PHF21B: variants seen among roughly 807,000 people sequenced by gnomAD.
The protein encoded by PHF21B is PHD finger protein 4.
In PHF21B, 22 loss-of-function variants were observed where a neutral mutation model predicts 62.2. The ratio of observed to expected loss-of-function variants is 0.35; its 90% confidence interval spans 0.25 to 0.51. PHF21B has a LOEUF of 0.51. PHF21B is among the 20% of genes least tolerant of loss of function. The probability of loss-of-function intolerance (pLI) is 0.97; values close to 1 mark genes in which losing one functional copy is unlikely to be tolerated. For missense variants in PHF21B, 701 were observed against 707.9 expected, an observed-to-expected ratio of 0.99 and a Z score of 0.11; for synonymous variants, 341 against 314.7, an observed-to-expected ratio of 1.08 and a Z score of -0.88.
At chr22:44,960,014 A>T (rs1045859863) in intron 2 of PHF21B, among the ~76,000 whole-genome samples, 3 of 152,166 alleles carry the variant, frequency 2.0e-5, no homozygotes, top group Non-Finnish European at 4.4e-5. Context: ...CCGCTGTGTG[A>T]CCTCAGCACC....
At chr22:44,952,238 G>C in intron 2 of PHF21B, among the ~76,000 whole-genome samples, 1 of 152,216 alleles carries the variant, frequency 6.6e-6, no homozygotes, top group East Asian at 1.9e-4. Context: ...AGCTACTTTG[G>C]AGGCTGAGGC....
intron 5 of PHF21B, among the ~76,000 whole-genome samples, chr22:44,905,601 T>C (rs2071234718): frequency 6.6e-6 from 1 of 152,208 alleles, no homozygotes; most frequent in South Asian, 2.1e-4. Flanking sequence ...CTGTCGAGAC[T>C]TACCTGGGCA....
intron 2 of PHF21B, among the ~76,000 whole-genome samples, chr22:44,965,049 G>C (rs1378506130): frequency 1.3e-5 from 2 of 152,164 alleles, no homozygotes; most frequent in African/African-American, 4.8e-5. Flanking sequence ...CTGTGATATG[G>C]GGGGGCTCCC....
intron 2 of PHF21B, among the ~76,000 whole-genome samples, chr22:44,945,125 T>TCAGGAA (rs1173036031): frequency 2.0e-5 from 3 of 152,228 alleles, no homozygotes; most frequent in Admixed American, 2.0e-4. Flanking sequence ...CTTCTCAGGT[T>TCAGGAA]ACCATGGCAG....
chr22:44,893,178 G>A (rs2070996138), intron 7 of PHF21B, among the ~76,000 whole-genome samples: 1 of 151,994 alleles, frequency 6.6e-6, no homozygotes, highest in South Asian at 2.1e-4. Flanking sequence ...AGGGTGAAGA[G>A]GCAAGAAGCC....
At position 44,889,621 on chromosome 22, in the gene PHF21B, T is replaced by G. The variant is rs73422470; in HGVS notation, c.1038+139A>C. 0.014 allele frequency: 14,460 copies of G among 1,067,228 alleles called. 765 individuals carry two copies. In the African/African-American group the frequency reaches 0.16, roughly 12 times the overall value. 66.1% of individuals were successfully genotyped at this position (1,067,228 alleles called of 1,614,324 possible). ...GCTGGCTGAGTGTTGCACAAAGCTC[T>G]TAGCACCTAAAGGCAGAACCGAAAG... On this transcript the variant is annotated intron_variant, in intron 9 of 12. Coordinates refer to ENST00000313237, the MANE Select transcript of PHF21B (RefSeq NM_138415.5).
intron 5 of PHF21B, 69 bp from the exon 6 acceptor site, chr22:44,896,152 T>A (rs922960819): frequency 2.6e-6 from 4 of 1,568,622 alleles, no homozygotes; most frequent in Admixed American, 3.3e-5. Flanking sequence ...TCAACAAACA[T>A]CTGCTGTGGC....
At chr22:44,973,038 T>C (rs561844809) in intron 2 of PHF21B, among the ~76,000 whole-genome samples, 3 of 152,350 alleles carry the variant, frequency 2.0e-5, no homozygotes, top group South Asian at 4.1e-4. Context: ...CTCCGGGCTC[T>C]GATGACCCTC....
At chr22:44,933,951 G>T (rs1212707302) in intron 2 of PHF21B, among the ~76,000 whole-genome samples, 1 of 152,236 alleles carries the variant, frequency 6.6e-6, no homozygotes, top group Non-Finnish European at 1.5e-5. Flanking sequence ...TATTTACTGA[G>T]ATCCTGCCAT....
At chr22:44,912,800 G>A (rs570136780) in intron 5 of PHF21B, among the ~76,000 whole-genome samples, 1 of 144,330 alleles carries the variant, frequency 6.9e-6, no homozygotes, top group East Asian at 2.3e-4. Context: ...GATCACTTGA[G>A]CCCAGGAGGT....
At chr22:44,995,048 T>C (rs2147513690) in intron 2 of PHF21B, among the ~76,000 whole-genome samples, 1 of 152,238 alleles carries the variant, frequency 6.6e-6, no homozygotes, top group South Asian at 2.1e-4. Context: ...GCCTTTTTCA[T>C]CAACTAAACA....
chr22:44,959,315 G>T (rs192301183), intron 2 of PHF21B, among the ~76,000 whole-genome samples: 1 of 152,318 alleles, frequency 6.6e-6, no homozygotes, highest in African/African-American at 2.4e-5. Context: ...TCTCCACTTT[G>T]TGATTCACGC....
At chr22:44,916,964 G>C (rs548593482) in intron 3 of PHF21B, among the ~76,000 whole-genome samples, 1 of 152,382 alleles carries the variant, frequency 6.6e-6, no homozygotes, top group South Asian at 2.1e-4. Flanking sequence ...ACGCCCTGCA[G>C]ATCAAGTCCC....
intron 2 of PHF21B, among the ~76,000 whole-genome samples, chr22:44,927,963 C>T (rs1205772273): frequency 6.6e-6 from 1 of 152,086 alleles, no homozygotes; most frequent in African/African-American, 2.4e-5. Context: ...TGGGGCGGGG[C>T]GGGGCACAGC....
intron 5 of PHF21B, among the ~76,000 whole-genome samples, chr22:44,901,221 G>A (rs1025504452): frequency 2.0e-5 from 3 of 152,194 alleles, no homozygotes; most frequent in Non-Finnish European, 4.4e-5. Flanking sequence ...TAACTGGACA[G>A]TGGCAGGGAC....
chr22:44,908,228 A>T (rs6006905), intron 5 of PHF21B, among the ~76,000 whole-genome samples: 235 of 152,234 alleles, frequency 1.5e-3, no homozygotes, highest in African/African-American at 5.5e-3. Context: ...TGAGGCCAGA[A>T]GCTAGAGTGT....
At position 44,999,965 on chromosome 22, in the gene PHF21B, C is replaced by A. The variant is rs552004120; in HGVS notation, c.120+8580G>T. Among the ~76,000 whole-genome samples, 8 of 152,242 alleles carry A rather than the reference C, an allele frequency of 5.3e-5. No individual in the cohort carries two copies. The East Asian group carries it at 1.5e-3, about 29-fold the overall frequency. On this transcript the variant is annotated intron_variant, in intron 2 of 12. Transcript: ENST00000313237. ...ACCACTCACTAATCCTGCGGCCTCT[C>A]GAAGATTGTTTCTTGAGTGCTCACC...
chr22:44,972,245 C>T (rs1370545900), intron 2 of PHF21B, among the ~76,000 whole-genome samples: 1 of 152,224 alleles, frequency 6.6e-6, no homozygotes, highest in Admixed American at 6.5e-5. Context: ...CAGACCTGAT[C>T]GCTTTGATGT....
intron 2 of PHF21B, among the ~76,000 whole-genome samples, chr22:44,966,451 C>T (rs1407513526): frequency 6.6e-6 from 1 of 152,222 alleles, no homozygotes; most frequent in Non-Finnish European, 1.5e-5. Flanking sequence ...CTACTGGGAG[C>T]TTTGGGGCCA....
Sources: gnomAD v4.1 joint callset for allele counts (sites outside exome capture counted in the v4.1 genomes callset) on GRCh38, gnomAD v4.1.1 for gene constraint, MANE v1.5 for transcripts, NCBI Gene and HGNC (gene_info 2026-07-23, HGNC 2026-07-21) for gene names.